The following KIAA1549L variants were observed in gnomAD, a reference collection of about 807,000 sequenced individuals.
The protein encoded by KIAA1549L is KIAA1549 like, also known as UPF0606 protein KIAA1549L.
A neutral mutation model predicts 160.7 loss-of-function variants in KIAA1549L; 88 were observed. The observed-to-expected ratio is 0.55, with a 90% CI of 0.46 to 0.65. The LOEUF (loss-of-function observed/expected upper bound fraction) is 0.65. Among genes scored for constraint, KIAA1549L ranks in the 30% least tolerant of loss-of-function variants. The probability of loss-of-function intolerance (pLI) is 0.00; values close to 1 mark genes in which losing one functional copy is unlikely to be tolerated. For synonymous variants in KIAA1549L, 950 were observed against 976.7 expected (o/e 0.97, Z 0.51); for missense variants, 2,258 against 2,437.5 (o/e 0.93, Z 1.55).
intron 1 of KIAA1549L, among the ~76,000 whole-genome samples, chr11:33,470,785 G>A (rs1273610402): frequency 6.6e-6 from 1 of 152,094 alleles, no homozygotes; most frequent in African/African-American, 2.4e-5. Context: ...GGAAGTTAGA[G>A]TTTTCTGACT....
intron 1 of KIAA1549L, among the ~76,000 whole-genome samples, chr11:33,502,298 G>C (rs1852969858): frequency 6.6e-6 from 1 of 152,168 alleles, no homozygotes; most frequent in African/African-American, 2.4e-5. Flanking sequence ...TTCAGGCTTG[G>C]AGAGGAACTT....
intron 1 of KIAA1549L, among the ~76,000 whole-genome samples, chr11:33,434,572 C>T (rs1851318510): frequency 6.6e-6 from 1 of 152,166 alleles, no homozygotes; most frequent in Admixed American, 6.5e-5. Flanking sequence ...AAGCTAGCTG[C>T]ACAAGAGAGC....
At chr11:33,474,679 A>T (rs1852247919) in intron 1 of KIAA1549L, among the ~76,000 whole-genome samples, 1 of 152,220 alleles carries the variant, frequency 6.6e-6, no homozygotes, top group Non-Finnish European at 1.5e-5. Flanking sequence ...GATAATAGCC[A>T]CTTTGGGAAG....
At chr11:33,485,953 A>C (rs1852515735) in intron 1 of KIAA1549L, among the ~76,000 whole-genome samples, 3 of 152,148 alleles carry the variant, frequency 2.0e-5, no homozygotes, top group Non-Finnish European at 4.4e-5. Flanking sequence ...AAATGACAGG[A>C]TTTCCATTTT....
At chr11:33,521,165 C>T (rs1853483840) in intron 1 of KIAA1549L, among the ~76,000 whole-genome samples, 2 of 152,114 alleles carry the variant, frequency 1.3e-5, no homozygotes. Context: ...AGCAAGACCC[C>T]GTCTCTTAAA....
intron 17 of KIAA1549L, among the ~76,000 whole-genome samples, chr11:33,649,876 A>AG (rs35324717): frequency 6.6e-6 from 1 of 150,768 alleles, no homozygotes; most frequent in East Asian, 1.9e-4. Flanking sequence ...AAAAAAAAAA[A>AG]GGAAAGAAAG....
chr11:33,455,189 T>TTAG (rs1851798162), intron 1 of KIAA1549L, among the ~76,000 whole-genome samples: 1 of 152,220 alleles, frequency 6.6e-6, no homozygotes, highest in Non-Finnish European at 1.5e-5. Context: ...GAAAGCTTGG[T>TTAG]TAGCTACAAG....
intron 1 of KIAA1549L, among the ~76,000 whole-genome samples, chr11:33,524,715 T>G (rs1853574605): frequency 6.6e-6 from 1 of 152,238 alleles, no homozygotes. Flanking sequence ...TTTATGTATC[T>G]GCATGTGTAT....
chr11:33,460,276 G>C (rs35716241), intron 1 of KIAA1549L, among the ~76,000 whole-genome samples: 273 of 152,114 alleles, frequency 1.8e-3, no homozygotes, highest in African/African-American at 6.4e-3. Context: ...CTGATGGGAG[G>C]GGGGAGCATG....
chr11:33,578,275 C>A (rs1009333297), intron 10 of KIAA1549L, among the ~76,000 whole-genome samples: 1 of 152,064 alleles, frequency 6.6e-6, no homozygotes, highest in Admixed American at 6.5e-5. Flanking sequence ...GGGATGGCCC[C>A]GGAGGCTCAG....
chr11:33,552,507 T>A (rs574412324), intron 6 of KIAA1549L, among the ~76,000 whole-genome samples: 1 of 152,328 alleles, frequency 6.6e-6, no homozygotes, highest in South Asian at 2.1e-4. Context: ...TTTGAAAAGT[T>A]GAACTAGGCT....
intron 1 of KIAA1549L, among the ~76,000 whole-genome samples, chr11:33,465,572 A>T (rs1852040229): frequency 6.6e-6 from 1 of 152,182 alleles, no homozygotes; most frequent in Non-Finnish European, 1.5e-5. Context: ...GAGTGGGTGG[A>T]TCATAAATTT....
chr11:33,582,855 A>C (rs1196797015), intron 10 of KIAA1549L, among the ~76,000 whole-genome samples: 3 of 152,182 alleles, frequency 2.0e-5, no homozygotes, highest in Non-Finnish European at 4.4e-5. Flanking sequence ...CCATCTGCTC[A>C]TGTTACATTT....
intron 1 of KIAA1549L, among the ~76,000 whole-genome samples, chr11:33,510,804 C>T (rs564673918): frequency 7.2e-5 from 11 of 152,322 alleles, no homozygotes; most frequent in East Asian, 3.9e-4. Context: ...AGTCACCACA[C>T]GTGGCCAGCC....
chr11:33,462,796 T>A (rs906612014), intron 1 of KIAA1549L, among the ~76,000 whole-genome samples: 1 of 152,022 alleles, frequency 6.6e-6, no homozygotes, highest in African/African-American at 2.4e-5. Flanking sequence ...TTTTAACATC[T>A]CCGAAATCAA....
intron 1 of KIAA1549L, among the ~76,000 whole-genome samples, chr11:33,502,939 T>A (rs147801457): frequency 1.4e-4 from 21 of 152,338 alleles, no homozygotes; most frequent in African/African-American, 4.6e-4. Context: ...TAAATACTAG[T>A]CAGTCTCTTC....
chr11:33,632,485 G>GC (rs1375040048), intron 16 of KIAA1549L, among the ~76,000 whole-genome samples: 2 of 152,314 alleles, frequency 1.3e-5, no homozygotes, highest in East Asian at 3.9e-4. Context: ...GTCCCAGCTA[G>GC]CCCCCCTGGC....
chr11:33,656,044 C>T lies in KIAA1549L; in HGVS notation c.5793C>T (p.Val1931=). 1 of 1,613,924 alleles carries T rather than the reference C, an allele frequency of 6.2e-7. No individual in the cohort carries two copies. Among genetic ancestry groups the T allele is most frequent in the Non-Finnish European group, 8.5e-7 (1 of 1,179,830 alleles). The part of the protein sequence containing the change: ...AYRFSQLPEM[V]MGSPPPPVPP... ...GGTTTTCCCAGCTTCCTGAGATGGT[C>T]ATGGGCTCACCGCCTCCACCCGTAC... is the stretch of plus-strand genomic sequence containing the variant. Residue 1931 remains valine (V), a synonymous_variant, in exon 18 of 21, where the codon GTC becomes GTT. Transcript: ENST00000658780.
intron 4 of KIAA1549L, among the ~76,000 whole-genome samples, chr11:33,550,749 G>C (rs1471205694): frequency 6.6e-6 from 1 of 151,908 alleles, no homozygotes; most frequent in African/African-American, 2.4e-5. Context: ...CTACCTTTTT[G>C]GTAATAATAA....
Sources: allele counts gnomAD v4.1 joint callset (sites outside exome capture counted in the v4.1 genomes callset), GRCh38; gene constraint gnomAD v4.1.1; transcripts MANE v1.5; gene names NCBI Gene and HGNC (gene_info 2026-07-23, HGNC 2026-07-21).